The following CPPED1 variants were observed in gnomAD, a reference collection of about 807,000 sequenced individuals.
CPPED1 encodes the protein calcineurin like phosphoesterase domain containing 1.
In CPPED1, 28 loss-of-function variants were observed where a neutral mutation model predicts 28.0. The ratio of observed to expected loss-of-function variants is 1.00; its 90% CI spans 0.74 to 1.37. The LOEUF is 1.37. Among genes scored for constraint, CPPED1 ranks in the 40% most tolerant of loss-of-function variants. The pLI is 0.00. For missense variants in CPPED1, 504 were observed against 416.5 expected, an observed-to-expected ratio of 1.21 and a Z score of -1.83; for synonymous variants, 198 against 180.2, an observed-to-expected ratio of 1.10 and a Z score of -0.79.
chr16:12,736,753 A>G (rs937888676), intron 2 of CPPED1, among the ~76,000 whole-genome samples: 1 of 152,242 alleles, frequency 6.6e-6, no homozygotes, highest in African/African-American at 2.4e-5. Context: ...GTCTGCCTTC[A>G]TGGAGCTTAT....
At chr16:12,731,154 AAT>A (rs1491133900) in intron 2 of CPPED1, among the ~76,000 whole-genome samples, 86 of 132,836 alleles carry the variant, frequency 6.5e-4, no homozygotes, top group African/African-American at 2.3e-3. Flanking sequence ...CAAAAAAAAA[AAT>A]TTTTTTTTTT....
intron 2 of CPPED1, among the ~76,000 whole-genome samples, chr16:12,747,162 G>A (rs1277716630): frequency 3.3e-5 from 5 of 152,056 alleles, no homozygotes; most frequent in African/African-American, 4.8e-5. Context: ...GGGCATGGTG[G>A]CTCATGTCTG....
At chr16:12,689,032 G>A (rs1323736467) in intron 3 of CPPED1, among the ~76,000 whole-genome samples, 1 of 152,084 alleles carries the variant, frequency 6.6e-6, no homozygotes, top group Non-Finnish European at 1.5e-5. Context: ...ATGTTATTAT[G>A]TATGACAAAG....
At chr16:12,797,316 T>C (rs563658800) in intron 1 of CPPED1, among the ~76,000 whole-genome samples, 1 of 152,182 alleles carries the variant, frequency 6.6e-6, no homozygotes, top group South Asian at 2.1e-4. Flanking sequence ...TTTTGGAGGC[T>C]AAGGCAGGAG....
At chr16:12,786,232 GC>G (rs2080562290) in intron 1 of CPPED1, among the ~76,000 whole-genome samples, 1 of 152,166 alleles carries the variant, frequency 6.6e-6, no homozygotes, top group Non-Finnish European at 1.5e-5. Flanking sequence ...TCTGGCCCCA[GC>G]CCAGATCCAC....
intron 3 of CPPED1, among the ~76,000 whole-genome samples, chr16:12,666,613 G>C (rs2079827214): frequency 6.6e-6 from 1 of 152,086 alleles, no homozygotes; most frequent in African/African-American, 2.4e-5. Context: ...AGTTGCCAAG[G>C]TGATGTCACT....
At chr16:12,697,638 G>A (rs2079998874) in intron 3 of CPPED1, among the ~76,000 whole-genome samples, 1 of 152,182 alleles carries the variant, frequency 6.6e-6, no homozygotes, top group African/African-American at 2.4e-5. Context: ...CCTACCACCT[G>A]TTTCTGGAAA....
chr16:12,685,994 G>C (rs1380683250), intron 3 of CPPED1, among the ~76,000 whole-genome samples: 1 of 152,220 alleles, frequency 6.6e-6, no homozygotes, highest in African/African-American at 2.4e-5. Flanking sequence ...CAGCGGGTGT[G>C]CAGAGAGATC....
In CPPED1 at chr16:12,732,496, A is replaced by G. The variant is rs1383053895; in HGVS notation, c.290-27447T>C. ...CACAAACACACACACACACAGATGG[A>G]GAGAGAGAGAGAGAGAGAGAGACAG... On this transcript the variant is annotated intron_variant, in intron 2 of 3. Transcript: ENST00000381774. 1.1e-3 allele frequency among the ~76,000 whole-genome samples: 7 copies of G among 6,112 alleles called. No homozygotes were observed. In the African/African-American group the frequency reaches 0.021, roughly 18 times the overall value. The allele number at this position is 6,112 out of a possible 152,430, so 4.0% of individuals were successfully genotyped here.
chr16:12,733,058 G>C (rs1014245120), intron 2 of CPPED1, among the ~76,000 whole-genome samples: 2 of 152,136 alleles, frequency 1.3e-5, no homozygotes, highest in African/African-American at 4.8e-5. Context: ...TAAATTTATT[G>C]ACGGGAAATT....
intron 2 of CPPED1, among the ~76,000 whole-genome samples, chr16:12,724,901 C>T (rs533987064): frequency 2.0e-5 from 3 of 152,124 alleles, no homozygotes; most frequent in East Asian, 3.9e-4. Context: ...ATTCTCCTGC[C>T]TCAGCCTCCC....
At chr16:12,687,711 T>C (rs2079940588) in intron 3 of CPPED1, among the ~76,000 whole-genome samples, 1 of 152,134 alleles carries the variant, frequency 6.6e-6, no homozygotes, top group Non-Finnish European at 1.5e-5. Flanking sequence ...TCCACAACCC[T>C]GACTGGAATA....
intron 3 of CPPED1, among the ~76,000 whole-genome samples, chr16:12,680,053 T>C (rs1379702108): frequency 6.6e-6 from 1 of 152,146 alleles, no homozygotes; most frequent in African/African-American, 2.4e-5. Flanking sequence ...AAGACAACCT[T>C]TGTTCACAAT....
At chr16:12,732,158 A>G (rs2080201372) in intron 2 of CPPED1, among the ~76,000 whole-genome samples, 1 of 152,128 alleles carries the variant, frequency 6.6e-6, no homozygotes, top group Non-Finnish European at 1.5e-5. Context: ...AAAAAAAAAA[A>G]TCATTAGCAT....
At chr16:12,798,353 A>C (rs988124230) in intron 1 of CPPED1, among the ~76,000 whole-genome samples, 4 of 152,234 alleles carry the variant, frequency 2.6e-5, no homozygotes, top group Non-Finnish European at 5.9e-5. Context: ...TGTATGGCAC[A>C]ATTTAAAGCA....
intron 2 of CPPED1, among the ~76,000 whole-genome samples, chr16:12,747,376 G>A (rs967397191): frequency 1.3e-5 from 2 of 151,790 alleles, no homozygotes; most frequent in Admixed American, 6.6e-5. Context: ...ATGCTGCAGG[G>A]AGCCATGATT....
chr16:12,720,959 G>A (rs1435460535), intron 2 of CPPED1, among the ~76,000 whole-genome samples: 2 of 152,178 alleles, frequency 1.3e-5, no homozygotes, highest in African/African-American at 4.8e-5. Flanking sequence ...GGATGGCTAT[G>A]AATGGCATGT....
intron 3 of CPPED1, among the ~76,000 whole-genome samples, chr16:12,684,854 C>A (rs770478881): frequency 6.6e-6 from 1 of 152,094 alleles, no homozygotes; most frequent in Non-Finnish European, 1.5e-5. Flanking sequence ...GATGGATGCA[C>A]AGTGAATGAA....
chr16:12,688,623 C>T (rs375633947), intron 3 of CPPED1, among the ~76,000 whole-genome samples: 61 of 152,092 alleles, frequency 4.0e-4, no homozygotes, highest in African/African-American at 1.4e-3. Flanking sequence ...AGGCCTGATT[C>T]ATCGCGCCCA....
Sources: allele counts gnomAD v4.1 joint callset (sites outside exome capture counted in the v4.1 genomes callset), GRCh38; gene constraint gnomAD v4.1.1; transcripts MANE v1.5; gene names NCBI Gene and HGNC (gene_info 2026-07-23, HGNC 2026-07-21).